The following ABCA12 variants were observed in gnomAD, a reference collection of about 807,000 sequenced individuals.
ABCA12 encodes the protein glucosylceramide transporter ABCA12.
ABCA12 carries 156 observed loss-of-function variants against 293.5 expected under a neutral mutation model. The ratio of observed to expected loss-of-function variants is 0.53; its 90% CI spans 0.47 to 0.61. ABCA12 has a LOEUF of 0.61. ABCA12 is among the 20% of genes least tolerant of loss of function. The pLI is 0.00. For synonymous variants in ABCA12, 1,063 were observed against 1,108.0 expected (o/e 0.96, Z 0.81); for missense variants, 2,797 against 3,090.2 (o/e 0.91, Z 2.25).
chr2:215,121,720 A>G (rs1444856697), intron 1 of ABCA12, among the ~76,000 whole-genome samples: 1 of 152,150 alleles, frequency 6.6e-6, no homozygotes, highest in Non-Finnish European at 1.5e-5. Flanking sequence ...GCAAGAGGTA[A>G]TTGAATCATG....
chr2:215,066,754 A>G (rs559501929), intron 2 of ABCA12, among the ~76,000 whole-genome samples: 2 of 152,270 alleles, frequency 1.3e-5, no homozygotes, highest in East Asian at 3.9e-4. Flanking sequence ...TCAGGCATGC[A>G]CAAGTTTCAG....
intron 37 of ABCA12, among the ~76,000 whole-genome samples, chr2:214,969,639 T>C (rs191315609): frequency 4.6e-5 from 7 of 152,254 alleles, no homozygotes; most frequent in Admixed American, 4.6e-4. Context: ...TACACCAAAA[T>C]ATCAATAGTG....
intron 20 of ABCA12, among the ~76,000 whole-genome samples, chr2:215,002,739 AATT>A (rs1700171008): frequency 6.6e-6 from 1 of 152,130 alleles, no homozygotes; most frequent in Non-Finnish European, 1.5e-5. Flanking sequence ...AACACCAAGG[AATT>A]ATTTAGAAAT....
intron 13 of ABCA12, 148 bp downstream of exon 13, chr2:215,019,188 C>A: frequency 1.5e-6 from 1 of 687,416 alleles, no homozygotes. Context: ...GACAAGTAAC[C>A]ATATTTGAAT....
At chr2:215,072,320 AT>A (rs200040916) in intron 2 of ABCA12, among the ~76,000 whole-genome samples, 1 of 152,112 alleles carries the variant, frequency 6.6e-6, no homozygotes, top group East Asian at 1.9e-4. Context: ...ACATAGGGAC[AT>A]TTTTTGTACC....
intron 2 of ABCA12, among the ~76,000 whole-genome samples, chr2:215,087,550 T>G (rs1315199877): frequency 6.6e-6 from 1 of 151,166 alleles, no homozygotes; most frequent in Admixed American, 6.6e-5. Flanking sequence ...TTCATAAAGA[T>G]AGGAGAAAAA....
chr2:214,943,080 G>A, intron 49 of ABCA12, 63 bp from the exon 50 acceptor site: 2 of 1,233,042 alleles, frequency 1.6e-6, no homozygotes, highest in Non-Finnish European at 2.4e-6. Context: ...TGAAGTTCAT[G>A]AGCATAAGCA....
chr2:214,955,390 A>G, intron 42 of ABCA12, 29 bp from the exon 43 acceptor site: 1 of 1,612,706 alleles, frequency 6.2e-7, no homozygotes, highest in South Asian at 1.1e-5. Context: ...AAGAATTAAA[A>G]TTACGCCTCG....
chr2:215,092,672 C>T (rs756617447), intron 2 of ABCA12, among the ~76,000 whole-genome samples: 2 of 152,192 alleles, frequency 1.3e-5, no homozygotes, highest in African/African-American at 4.8e-5. Flanking sequence ...TTACAACTCT[C>T]CTATCCTACC....
chr2:214,932,569 C>A lies in ABCA12; in HGVS notation c.*65G>T. ...ATGAAGATATCTTGCGGAAGTGTAT[C>A]TTCTGTGGCTTTTCTTCAAAATGAA... On this transcript the variant is annotated 3_prime_UTR_variant, in exon 53 of 53. Coordinates refer to ENST00000272895, the MANE Select transcript of ABCA12 (RefSeq NM_173076.3). 8.3e-7 allele frequency: 1 copy of A among 1,204,998 alleles called. No homozygotes were observed. The highest frequency in any genetic ancestry group is 1.2e-5 in the South Asian group (1 of 81,094). 74.6% of individuals were successfully genotyped at this position (1,204,998 alleles called of 1,614,324 possible).
At chr2:214,982,925 A>G (rs947631111) in intron 29 of ABCA12, among the ~76,000 whole-genome samples, 1 of 152,210 alleles carries the variant, frequency 6.6e-6, no homozygotes, top group Non-Finnish European at 1.5e-5. Context: ...TATAGGCATC[A>G]ATTTTATATA....
At chr2:215,093,605 C>G (rs961160971) in intron 2 of ABCA12, among the ~76,000 whole-genome samples, 1 of 152,228 alleles carries the variant, frequency 6.6e-6, no homozygotes, top group Admixed American at 6.5e-5. Context: ...CTCATGTCTG[C>G]GTGCGGCAGC....
chr2:214,990,665 G>A (rs964141839), intron 24 of ABCA12, 37 bp downstream of exon 24: 2 of 1,598,798 alleles, frequency 1.3e-6, no homozygotes, highest in African/African-American at 2.7e-5. Flanking sequence ...ACAAAAATGG[G>A]TAATTTCCCA....
intron 39 of ABCA12, 144 bp from the exon 40 acceptor site, chr2:214,959,222 A>G (rs1699044055): frequency 1.3e-6 from 1 of 744,676 alleles, no homozygotes; most frequent in Non-Finnish European, 2.3e-6. Flanking sequence ...TTAAAGGAAA[A>G]TTATTTTTCC....
At position 214,979,722 on chromosome 2, in the gene ABCA12, A is replaced by G. The variant is rs1346489039; in HGVS notation, c.4741-682T>C. Among the ~76,000 whole-genome samples, 7 of 152,170 alleles carry G rather than the reference A, an allele frequency of 4.6e-5. No homozygotes were observed. In the East Asian group the frequency reaches 1.3e-3, roughly 29 times the overall value. ...CACCACTGCCTGGGACAGTGCTTGG[A>G]TATCATAAGGCATAATGCACCTAAT... On this transcript the variant is annotated intron_variant, in intron 31 of 52. Transcript: ENST00000272895.
At chr2:214,980,706 A>G (rs1699628846) in intron 30 of ABCA12, 63 bp from the exon 31 acceptor site, 3 of 1,591,146 alleles carry the variant, frequency 1.9e-6, no homozygotes, top group Admixed American at 1.7e-5. Flanking sequence ...CAAGACACAC[A>G]GAGTTGGCCA....
chr2:214,988,867 A>C (rs1699844530), intron 26 of ABCA12, among the ~76,000 whole-genome samples: 1 of 151,924 alleles, frequency 6.6e-6, no homozygotes, highest in Admixed American at 6.6e-5. Context: ...ATGGCAAATA[A>C]GATTTTTTTT....
Position 214,992,522 on chromosome 2 carries a change from C to CCTTT in ABCA12, c.3295-1492_3295-1491insAAAG, listed in dbSNP as rs1348573399. On this transcript the variant is annotated intron_variant, in intron 23 of 52. Coordinates refer to ENST00000272895, the MANE Select transcript of ABCA12 (RefSeq NM_173076.3). ...AGCCTATCAACCTAGTATCCCCCCC[C>CCTTT]TTTTTTTTTTTTTTTTTTTTAGGAA... 4.2e-5 allele frequency among the ~76,000 whole-genome samples: 2 copies of CCTTT among 47,730 alleles called. 1 individual carries two copies. Among genetic ancestry groups the CCTTT allele is most frequent in the Non-Finnish European group, 6.6e-5 (2 of 30,144 alleles). 31.3% of individuals were successfully genotyped at this position (47,730 alleles called of 152,430 possible).
chr2:215,037,748 C>T (rs1701021859), intron 7 of ABCA12, among the ~76,000 whole-genome samples: 1 of 152,112 alleles, frequency 6.6e-6, no homozygotes, highest in Non-Finnish European at 1.5e-5. Flanking sequence ...TTGGAAAACG[C>T]AATTAGTTTC....
Sources: allele counts gnomAD v4.1 joint callset (sites outside exome capture counted in the v4.1 genomes callset), GRCh38; gene constraint gnomAD v4.1.1; transcripts MANE v1.5; gene names NCBI Gene and HGNC (gene_info 2026-07-23, HGNC 2026-07-21).